The following PMFBP1 variants were observed in gnomAD, a reference collection of about 807,000 sequenced individuals.
PMFBP1 encodes the protein polyamine-modulated factor 1-binding protein 1.
In PMFBP1, 131 loss-of-function variants were observed where a neutral mutation model predicts 137.8. The ratio of observed to expected loss-of-function variants is 0.95; its 90% confidence interval spans 0.82 to 1.10. PMFBP1 has a LOEUF of 1.10. Ranked by LOEUF, PMFBP1 falls within the 50% of genes least tolerant of loss-of-function variation. PMFBP1 has a pLI of 0.00. For missense variants in PMFBP1, 1,199 were observed against 1,175.4 expected (o/e 1.02, Z -0.29); for synonymous variants, 490 against 450.4 (o/e 1.09, Z -1.11).
At chr16:72,169,172 T>G (rs565817054) in intron 2 of PMFBP1, among the ~76,000 whole-genome samples, 1 of 152,198 alleles carries the variant, frequency 6.6e-6, no homozygotes, top group African/African-American at 2.4e-5. Context: ...CTTATTTGTC[T>G]GAGGATGAGG....
chr16:72,242,092 C>A, the PMFBP1 span, among the ~76,000 whole-genome samples: 1 of 152,084 alleles, frequency 6.6e-6, no homozygotes, highest in African/African-American at 2.4e-5. Flanking sequence ...TCTTCTCCTC[C>A]CTGACACCGT....
the PMFBP1 span, among the ~76,000 whole-genome samples, chr16:72,241,879 G>C: frequency 3.7e-3 from 558 of 152,272 alleles, 1 homozygote; most frequent in South Asian, 0.011. Flanking sequence ...TTTTAACTAA[G>C]ACATTTCCTC....
At chr16:72,221,354 G>A in the PMFBP1 span, among the ~76,000 whole-genome samples, 3 of 152,170 alleles carry the variant, frequency 2.0e-5, no homozygotes, top group South Asian at 2.1e-4. Context: ...GTTGCAGAGC[G>A]CCTGCACTCA....
At chr16:72,240,441 T>A in the PMFBP1 span, among the ~76,000 whole-genome samples, 1 of 152,270 alleles carries the variant, frequency 6.6e-6, no homozygotes, top group African/African-American at 2.4e-5. Context: ...CAATTCTGCC[T>A]TCTAATAGAA....
intron 7 of PMFBP1, 90 bp downstream of exon 7, chr16:72,139,199 C>T (rs1567628334): frequency 1.1e-6 from 1 of 888,346 alleles, no homozygotes; most frequent in Non-Finnish European, 1.7e-6. Context: ...TATAAATTGT[C>T]ATATAAAAAT....
At chr16:72,240,166 C>T in the PMFBP1 span, among the ~76,000 whole-genome samples, 26 of 152,250 alleles carry the variant, frequency 1.7e-4, no homozygotes, top group African/African-American at 1.2e-4. Context: ...ATCAGGTAGA[C>T]TGTGGCGCAG....
the PMFBP1 span, among the ~76,000 whole-genome samples, chr16:72,235,623 A>G: frequency 6.6e-6 from 1 of 151,948 alleles, no homozygotes; most frequent in East Asian, 1.9e-4. Flanking sequence ...GGTCATCTTG[A>G]CAGCTGTCTT....
intron 18 of PMFBP1, 92 bp from the exon 19 acceptor site, chr16:72,123,080 C>G: frequency 8.6e-7 from 1 of 1,163,900 alleles, no homozygotes; most frequent in Non-Finnish European, 1.3e-6. Flanking sequence ...GGGTTCTCAG[C>G]AAGACTGCTG....
At chr16:72,178,768 C>T (rs2043266765), upstream of PMFBP1, among the ~76,000 whole-genome samples, 8 of 152,120 alleles carry the variant, frequency 5.3e-5, no homozygotes, top group Admixed American at 5.2e-4. Flanking sequence ...TATACTTTTC[C>T]CTGCCTCAGC....
At chr16:72,191,576 T>C in the PMFBP1 span, among the ~76,000 whole-genome samples, 13 of 152,360 alleles carry the variant, frequency 8.5e-5, no homozygotes, top group Non-Finnish European at 1.6e-4. Flanking sequence ...CTGAACAGTT[T>C]ACCAGAATTG....
chr16:72,157,997 T>A (rs1383429940), intron 3 of PMFBP1, among the ~76,000 whole-genome samples: 1 of 152,092 alleles, frequency 6.6e-6, no homozygotes, highest in African/African-American at 2.4e-5. Context: ...TTTAATGAGA[T>A]TAATTCAGTA....
At position 72,130,324 on chromosome 16, in the gene PMFBP1, A is replaced by G. The variant is rs2042529665; in HGVS notation, c.1671T>C (p.Ser557=). The part of the protein sequence containing the change: ...KRVEELSLEL[S]EALRKLENSD... ...AATTTTCAAGCTTCCTCAGGGCTTCAGAGAGTTCTAATGACAGCTCCTCCA... is the reference window on the plus strand; with the variant it reads ...AATTTTCAAGCTTCCTCAGGGCTTCGGAGAGTTCTAATGACAGCTCCTCCA... Residue 557 remains serine, a synonymous_variant, in exon 12 of 21, where the codon TCT becomes TCC. Coordinates refer to ENST00000237353, the MANE Select transcript of PMFBP1 (RefSeq NM_031293.3). 2 of 1,614,216 alleles carry G rather than the reference A, an allele frequency of 1.2e-6. No homozygotes were observed. The highest frequency in any genetic ancestry group is 1.1e-5 in the South Asian group (1 of 91,084).
At chr16:72,165,785 A>G (rs1161373193) in intron 2 of PMFBP1, among the ~76,000 whole-genome samples, 3 of 152,270 alleles carry the variant, frequency 2.0e-5, no homozygotes, top group African/African-American at 4.8e-5. Flanking sequence ...CTGGTGGCGT[A>G]AGATTTCTGT....
chr16:72,180,319 T>C (rs1946344009), upstream of PMFBP1, among the ~76,000 whole-genome samples: 1 of 152,188 alleles, frequency 6.6e-6, no homozygotes, highest in South Asian at 2.1e-4. Context: ...TTGTAGATTG[T>C]AGTGAGCCCA....
chr16:72,206,329 C>T, the PMFBP1 span, among the ~76,000 whole-genome samples: 1 of 152,194 alleles, frequency 6.6e-6, no homozygotes, highest in East Asian at 1.9e-4. Flanking sequence ...TCAGGAGCCT[C>T]TGTGACCTGC....
At chr16:72,180,766 A>G (rs553822129), upstream of PMFBP1, among the ~76,000 whole-genome samples, 1 of 152,312 alleles carries the variant, frequency 6.6e-6, no homozygotes, top group South Asian at 2.1e-4. Context: ...AGGCAGCAGC[A>G]GTCTGGTGCT....
chr16:72,178,058 A>AT (rs1429325323), upstream of PMFBP1, among the ~76,000 whole-genome samples: 1 of 151,960 alleles, frequency 6.6e-6, no homozygotes, highest in Non-Finnish European at 1.5e-5. Context: ...AGCCTGGCTA[A>AT]TTTTTGTATT....
chr16:72,121,668 A>G (rs888594541), intron 19 of PMFBP1, among the ~76,000 whole-genome samples: 2 of 152,194 alleles, frequency 1.3e-5, no homozygotes, highest in African/African-American at 4.8e-5. Flanking sequence ...TCTGTCACCC[A>G]GGCCAGAGTG....
the PMFBP1 span, among the ~76,000 whole-genome samples, chr16:72,231,791 G>T: frequency 6.6e-6 from 1 of 151,614 alleles, no homozygotes; most frequent in Non-Finnish European, 1.5e-5. Flanking sequence ...TTTTATATGT[G>T]TTTTATTACA....
Sources: gnomAD v4.1 joint callset for allele counts (sites outside exome capture counted in the v4.1 genomes callset) on GRCh38, gnomAD v4.1.1 for gene constraint, MANE v1.5 for transcripts, NCBI Gene and HGNC (gene_info 2026-07-23, HGNC 2026-07-21) for gene names.